The following NDRG3 variants were observed in gnomAD, a reference collection of about 807,000 sequenced individuals.
NDRG3 encodes NDRG family member 3.
A neutral mutation model predicts 57.2 loss-of-function variants in NDRG3; 23 were observed. The observed-to-expected ratio is 0.40, with a 90% CI of 0.29 to 0.57. NDRG3 has a LOEUF of 0.57. NDRG3 is among the 20% of genes least tolerant of loss of function. The pLI, the probability that NDRG3 is intolerant of heterozygous loss-of-function variation, is 0.42. For synonymous variants in NDRG3, 132 were observed against 162.6 expected, an observed-to-expected ratio of 0.81 and a Z score of 1.43; for missense variants, 384 against 457.3, an observed-to-expected ratio of 0.84 and a Z score of 1.46.
intron 9 of NDRG3, among the ~76,000 whole-genome samples, chr20:36,670,589 A>C (rs185005953): frequency 6.6e-6 from 1 of 152,318 alleles, no homozygotes; most frequent in East Asian, 1.9e-4. Flanking sequence ...TCAGACTAAT[A>C]GAACCATGTA....
At chr20:36,662,224 C>A (rs965947657) in intron 12 of NDRG3, among the ~76,000 whole-genome samples, 5 of 149,248 alleles carry the variant, frequency 3.4e-5, no homozygotes, top group Admixed American at 6.7e-5. Context: ...ACTGTTTTTT[C>A]TTTTTCTTTT....
At chr20:36,715,036 ATATATATATATATATATATT>A (rs1464951651) in intron 2 of NDRG3, among the ~76,000 whole-genome samples, 3 of 117,356 alleles carry the variant, frequency 2.6e-5, no homozygotes, top group African/African-American at 1.2e-4. Flanking sequence ...ATATATATAT[ATATATATATATATATATATT>A]ATATTTAAGT....
At chr20:36,667,672 G>T (rs564808054) in intron 9 of NDRG3, among the ~76,000 whole-genome samples, 6 of 152,110 alleles carry the variant, frequency 3.9e-5, no homozygotes, top group Admixed American at 2.6e-4. Context: ...TAAGCATAAA[G>T]AAATTGCATT....
At chr20:36,679,876 G>A (rs1981102286) in intron 8 of NDRG3, among the ~76,000 whole-genome samples, 1 of 150,182 alleles carries the variant, frequency 6.7e-6, no homozygotes, top group Non-Finnish European at 1.5e-5. Flanking sequence ...CCAGACTGGA[G>A]TGCAATGGCA....
At chr20:36,722,128 C>T (rs1288468790) in intron 1 of NDRG3, among the ~76,000 whole-genome samples, 1 of 152,128 alleles carries the variant, frequency 6.6e-6, no homozygotes. Flanking sequence ...GACACTCTCC[C>T]CTGCTAGGTC....
At chr20:36,701,450 C>T (rs774775528) in intron 3 of NDRG3, among the ~76,000 whole-genome samples, 3 of 151,512 alleles carry the variant, frequency 2.0e-5, no homozygotes, top group Non-Finnish European at 2.9e-5. Context: ...GAGGCTGAAG[C>T]GGGAAGATTG....
chr20:36,742,702 T>G (rs942501623), intron 1 of NDRG3, among the ~76,000 whole-genome samples: 1 of 152,218 alleles, frequency 6.6e-6, no homozygotes, highest in African/African-American at 2.4e-5. Context: ...AATATGGGAA[T>G]GTTTAGACTT....
At chr20:36,735,844 C>G (rs991287909) in intron 1 of NDRG3, among the ~76,000 whole-genome samples, 1 of 151,986 alleles carries the variant, frequency 6.6e-6, no homozygotes, top group Non-Finnish European at 1.5e-5. Context: ...CAAAAATTAG[C>G]TGAGCATGAT....
intron 1 of NDRG3, among the ~76,000 whole-genome samples, chr20:36,727,742 C>T (rs529980176): frequency 4.0e-5 from 6 of 151,750 alleles, no homozygotes; most frequent in African/African-American, 1.4e-4. Flanking sequence ...GGAGTTTCAC[C>T]GTGTTAGCCA....
chr20:36,681,018 G>A, intron 7 of NDRG3, 116 bp from the exon 8 acceptor site: 2 of 762,532 alleles, frequency 2.6e-6, no homozygotes, highest in Non-Finnish European at 4.3e-6. Flanking sequence ...ACATTTGAAA[G>A]TAAGACTACA....
Position 36,721,682 on chromosome 20 carries a change from A to G in NDRG3, c.54T>C (p.Asp18=). Residue 18 remains aspartate, a synonymous_variant, in exon 2 of 16, where the codon GAT becomes GAC. Transcript: ENST00000349004. ...QLTEIKPLLN[D]KNGTRNFQDF... is the part of the protein sequence containing the mutation. The stretch of plus-strand genomic sequence containing the variant: ...GTGAAAACAGAAAAGTCTTTACCTT[A>G]TCATTTAGAAGTGGTTTGATCTCTG... The G allele has an allele frequency of 6.3e-7, 1 of 1,598,486 alleles. No individual in the cohort carries two copies. Among genetic ancestry groups the G allele is most frequent in the Non-Finnish European group, 8.6e-7 (1 of 1,168,420 alleles).
intron 2 of NDRG3, among the ~76,000 whole-genome samples, chr20:36,712,570 TATATATATA>T: frequency 1.2e-4 from 2 of 16,616 alleles, no homozygotes; most frequent in East Asian, 1.2e-3. Context: ...TATATATATA[TATATATATA>T]TATATATATT....
chr20:36,677,908 A>C (rs1980898609), intron 8 of NDRG3, among the ~76,000 whole-genome samples: 1 of 152,130 alleles, frequency 6.6e-6, no homozygotes, highest in African/African-American at 2.4e-5. Flanking sequence ...ATCCCATAAC[A>C]CAAGGGATAT....
chr20:36,658,778 A>T (rs141850400), intron 13 of NDRG3, among the ~76,000 whole-genome samples: 1 of 152,286 alleles, frequency 6.6e-6, no homozygotes, highest in African/African-American at 2.4e-5. Flanking sequence ...GACACTTGAT[A>T]CTAACTCTAG....
At chr20:36,667,377 A>C (rs1263020957) in intron 9 of NDRG3, among the ~76,000 whole-genome samples, 1 of 151,804 alleles carries the variant, frequency 6.6e-6, no homozygotes. Context: ...TCCTGGGCTC[A>C]AGATCCTCCT....
rs759910302 is a variant in NDRG3, at chr20:36,656,387, T to G, written c.919A>C (p.Lys307Gln). Residue 307 changes from lysine (K) to glutamine (Q), a missense_variant, in exon 15 of 16, where the codon AAG (lysine) becomes CAG (glutamine). Lys to Gln is a moderately conservative substitution (Grantham distance 53, BLOSUM62 1). Transcript: ENST00000349004. ...VQPGKLTEAF[K>Q]YFLQGMGYIP... ...TAGCCCATTCCCTGCAAAAAGTACTTGAAGGCCTCGGTGAGCTTCCCAGGC... is the reference window on the plus strand; with the variant it reads ...TAGCCCATTCCCTGCAAAAAGTACTGGAAGGCCTCGGTGAGCTTCCCAGGC... The G allele has an allele frequency of 1.2e-6, 2 of 1,614,038 alleles. No individual in the cohort carries two copies. The highest frequency in any genetic ancestry group is 1.7e-5 in the Admixed American group (1 of 59,984).
At chr20:36,741,784 G>A (rs1030946736) in intron 1 of NDRG3, among the ~76,000 whole-genome samples, 1 of 152,188 alleles carries the variant, frequency 6.6e-6, no homozygotes, top group African/African-American at 2.4e-5. Context: ...CTGGGAACTT[G>A]TTAGAACTGC....
intron 1 of NDRG3, among the ~76,000 whole-genome samples, chr20:36,733,450 C>T (rs1177085437): frequency 6.6e-6 from 1 of 151,630 alleles, no homozygotes; most frequent in Non-Finnish European, 1.5e-5. Flanking sequence ...TATGGCCGGG[C>T]GCGGTGGCTC....
intron 1 of NDRG3, among the ~76,000 whole-genome samples, chr20:36,736,594 C>G (rs760944615): frequency 2.0e-5 from 3 of 152,192 alleles, no homozygotes; most frequent in African/African-American, 4.8e-5. Flanking sequence ...AATCCTAAAA[C>G]TATTGACTTA....
Sources: gnomAD v4.1 joint callset for allele counts (sites outside exome capture counted in the v4.1 genomes callset) on GRCh38, gnomAD v4.1.1 for gene constraint, MANE v1.5 for transcripts, NCBI Gene and HGNC (gene_info 2026-07-23, HGNC 2026-07-21) for gene names.